Variants in SEC22A observed in about 807,000 individuals in gnomAD.
SEC22A encodes the protein SEC22 homolog A, vesicle trafficking protein, also known as vesicle-trafficking protein SEC22a.
Under a neutral mutation model 35.3 loss-of-function variants are expected in SEC22A, and 22 were observed. The observed-to-expected ratio is 0.62, with a 90% CI of 0.45 to 0.89. The LOEUF is 0.89. Ranked by LOEUF, SEC22A falls within the 40% of genes least tolerant of loss-of-function variation. The probability of loss-of-function intolerance (pLI) is 0.00; values close to 1 mark genes in which losing one functional copy is unlikely to be tolerated. For synonymous variants in SEC22A, 119 were observed against 129.5 expected (o/e 0.92, Z 0.55); for missense variants, 354 against 362.5 (o/e 0.98, Z 0.19).
chr3:123,204,846 T>C (rs1380666914), intron 1 of SEC22A: 1 of 152,238 alleles, frequency 6.6e-6, no homozygotes, highest in African/African-American at 2.4e-5. Context: ...CCTAAACATT[T>C]ATCTATGGCC....
chr3:123,215,668 A>C (rs1937007924), intron 2 of SEC22A, among the ~76,000 whole-genome samples: 1 of 152,184 alleles, frequency 6.6e-6, no homozygotes, highest in Non-Finnish European at 1.5e-5. Context: ...ACGTCACAAA[A>C]ATAGTAAATG....
intron 5 of SEC22A, among the ~76,000 whole-genome samples, chr3:123,252,239 G>A (rs886746910): frequency 4.6e-5 from 7 of 151,952 alleles, no homozygotes; most frequent in Non-Finnish European, 7.4e-5. Flanking sequence ...CCTCTTTCTG[G>A]TTGATCATTA....
In SEC22A at chr3:123,227,514, G is replaced by A. The variant is rs183391265; in HGVS notation, c.541+2217G>A. 1.6e-3 allele frequency among the ~76,000 whole-genome samples: 241 copies of A among 152,236 alleles called. 2 individuals carry two copies. Among genetic ancestry groups the A allele is most frequent in the African/African-American group, 4.6e-3 (193 of 41,526 alleles). ...GAGAAATACCTAATATAGATGATGG[G>A]TTGATGGATGTGGCAAACCACCATG... On this transcript the variant is annotated intron_variant, in intron 4 of 6. Transcript: ENST00000492595.
In SEC22A at chr3:123,225,181, A is replaced by G. The variant is rs6787281; in HGVS notation, c.425A>G (p.Gln142Arg). 3.7e-6 allele frequency: 6 copies of G among 1,613,630 alleles called. No homozygotes were observed. Among genetic ancestry groups the G allele is most frequent in the Non-Finnish European group, 4.2e-6 (5 of 1,179,636 alleles). The change falls in exon 4 of 7, where the codon CAG becomes CGG. Residue 142 changes from glutamine to arginine, a missense_variant. Physicochemically the swap from Gln to Arg is conservative, Grantham distance 43. Transcript: ENST00000492595. ...LSTKINLSDM[Q>R]TEIKLRPPYQ... ...ACAAAGATAAATCTTTCTGACATGC[A>G]GACGGAAATCAAGCTGAGGCCTCCT...
chr3:123,266,899 A>G (rs1183520317), intron 6 of SEC22A, among the ~76,000 whole-genome samples: 1 of 152,110 alleles, frequency 6.6e-6, no homozygotes, highest in Non-Finnish European at 1.5e-5. Flanking sequence ...TTTGTACTTC[A>G]GTTCTATTGC....
At chr3:123,234,552 T>A (rs986866794) in intron 4 of SEC22A, among the ~76,000 whole-genome samples, 3 of 152,076 alleles carry the variant, frequency 2.0e-5, no homozygotes, top group Non-Finnish European at 4.4e-5. Context: ...GACAACTAGA[T>A]ACCACATGCA....
At chr3:123,246,056 C>A in intron 5 of SEC22A, 42 bp downstream of exon 5, 1 of 926,704 alleles carries the variant, frequency 1.1e-6, no homozygotes, top group Non-Finnish European at 1.8e-6. Context: ...TGTGCCTCTT[C>A]ATTCTACTGG....
Position 123,271,777 on chromosome 3 carries a change from C to A in SEC22A, c.*55C>A, listed in dbSNP as rs1938172858. ...TCAGGGGGATAAGGAGGGAACATAT[C>A]ATAACTGCACTGTGATGAAGAAGCT... On this transcript the variant is annotated 3_prime_UTR_variant, in exon 7 of 7. Coordinates refer to ENST00000492595, the MANE Select transcript of SEC22A (RefSeq NM_012430.5). 9 of 1,371,106 alleles carry A rather than the reference C, an allele frequency of 6.6e-6. No individual in the cohort carries two copies. Among genetic ancestry groups the A allele is most frequent in the Non-Finnish European group, 9.3e-6 (9 of 968,096 alleles). 84.9% of individuals were successfully genotyped at this position (1,371,106 alleles called of 1,614,324 possible).
Position 123,222,540 on chromosome 3 carries a change from C to CT in SEC22A, c.183-1013dup, listed in dbSNP as rs1441980085. ...GGCAACATTTCCACATCCTTTATTTCTTTTTTACAACCCTGGCACTTTTAA... is the reference window on the plus strand; with the variant it reads ...GGCAACATTTCCACATCCTTTATTTCTTTTTTTACAACCCTGGCACTTTTAA... On this transcript the variant is annotated intron_variant, in intron 2 of 6. Transcript: ENST00000492595. Among the ~76,000 whole-genome samples the CT allele has an allele frequency of 4.6e-5, 7 of 152,222 alleles. No homozygotes were observed. In the South Asian group the frequency reaches 6.2e-4, roughly 14 times the overall value.
intron 6 of SEC22A, among the ~76,000 whole-genome samples, chr3:123,263,535 G>T (rs1301504278): frequency 6.6e-6 from 1 of 151,968 alleles, no homozygotes; most frequent in Non-Finnish European, 1.5e-5. Context: ...TTGTTTTTTT[G>T]GGACGGAGTC....
intron 4 of SEC22A, among the ~76,000 whole-genome samples, chr3:123,242,566 A>G (rs1257748264): frequency 6.7e-6 from 1 of 150,204 alleles, no homozygotes; most frequent in African/African-American, 2.5e-5. Context: ...TCCCATTTCT[A>G]CTGTGACTAT....
chr3:123,202,926 C>T (rs1187454968), intron 1 of SEC22A, among the ~76,000 whole-genome samples: 1 of 152,112 alleles, frequency 6.6e-6, no homozygotes, highest in Non-Finnish European at 1.5e-5. Flanking sequence ...ATGCCTTAAA[C>T]GGTACCTACA....
chr3:123,255,258 CTG>C (rs953874417), intron 5 of SEC22A, among the ~76,000 whole-genome samples: 1 of 152,052 alleles, frequency 6.6e-6, no homozygotes, highest in Non-Finnish European at 1.5e-5. Flanking sequence ...TTTTATGAAA[CTG>C]TTTTCTCCCG....
intron 5 of SEC22A, among the ~76,000 whole-genome samples, chr3:123,251,348 A>T (rs1275078524): frequency 6.6e-6 from 1 of 152,132 alleles, no homozygotes; most frequent in East Asian, 1.9e-4. Context: ...GTAGGCTTGT[A>T]TGTTTCTGAT....
intron 2 of SEC22A, among the ~76,000 whole-genome samples, chr3:123,219,362 G>C (rs1462388887): frequency 6.6e-6 from 1 of 152,182 alleles, no homozygotes; most frequent in African/African-American, 2.4e-5. Context: ...AATAGAGATT[G>C]ATTTGTGGCT....
intron 6 of SEC22A, among the ~76,000 whole-genome samples, chr3:123,266,860 G>A (rs1461254181): frequency 6.6e-6 from 1 of 152,124 alleles, no homozygotes; most frequent in Non-Finnish European, 1.5e-5. Flanking sequence ...GTTGGCTAGA[G>A]AAGAGTATTG....
intron 5 of SEC22A, among the ~76,000 whole-genome samples, chr3:123,249,918 A>G (rs538936448): frequency 4.4e-4 from 67 of 152,312 alleles, no homozygotes; most frequent in Non-Finnish European, 5.3e-4. Flanking sequence ...AAAACAAAAA[A>G]GACCAAATAT....
Position 123,273,297 on chromosome 3 carries a change from T to C in SEC22A, c.*1575T>C, listed in dbSNP as rs181353876. The C allele has an allele frequency of 1.6e-4, 24 of 152,350 alleles. No homozygotes were observed. In the East Asian group the frequency reaches 3.5e-3, roughly 22 times the overall value. The allele number at this position is 152,350 out of a possible 1,614,324, so 9.4% of individuals were successfully genotyped here. A position where few individuals can be genotyped will look rare whatever the true frequency, so the allele number is the denominator to read the frequency against. On this transcript the variant is annotated 3_prime_UTR_variant, in exon 7 of 7. Transcript: ENST00000492595. The stretch of plus-strand genomic sequence containing the variant: ...TTAACTAGAACCTTAGTCTGCACCC[T>C]CCTTTTAGGAGAATGAGGTAAAAGG...
At chr3:123,207,656 T>G (rs1018937070) in intron 1 of SEC22A, among the ~76,000 whole-genome samples, 1 of 152,196 alleles carries the variant, frequency 6.6e-6, no homozygotes, top group Non-Finnish European at 1.5e-5. Context: ...GGTTCAGAAT[T>G]TTGAGGGCAG....
Sources: gnomAD v4.1 joint callset for allele counts (sites outside exome capture counted in the v4.1 genomes callset) on GRCh38, gnomAD v4.1.1 for gene constraint, MANE v1.5 for transcripts, NCBI Gene and HGNC (gene_info 2026-07-23, HGNC 2026-07-21) for gene names.